STAU2: variants seen among roughly 807,000 people sequenced by gnomAD.
STAU2 encodes staufen double-stranded RNA binding protein 2, also known as double-stranded RNA-binding protein Staufen homolog 2.
STAU2 carries 20 observed loss-of-function variants against 65.9 expected under a neutral mutation model. The ratio of observed to expected loss-of-function variants is 0.30; its 90% CI spans 0.21 to 0.44. STAU2 has a LOEUF of 0.44. STAU2 is among the 20% of genes least tolerant of loss of function. The pLI is 1.00. For missense variants in STAU2, 558 were observed against 683.9 expected (o/e 0.82, Z 2.05); for synonymous variants, 232 against 233.9 (o/e 0.99, Z 0.07).
intron 3 of STAU2, among the ~76,000 whole-genome samples, chr8:73,730,195 T>C (rs1805944543): frequency 6.6e-6 from 1 of 152,210 alleles, no homozygotes; most frequent in Non-Finnish European, 1.5e-5. Flanking sequence ...CACTGCATCA[T>C]TTAAGTCACA....
At chr8:73,441,798 G>C (rs911983624) in intron 13 of STAU2, among the ~76,000 whole-genome samples, 3 of 152,224 alleles carry the variant, frequency 2.0e-5, no homozygotes, top group African/African-American at 7.2e-5. Context: ...GCTGCTGAAT[G>C]TTGGCCGTTC....
intron 13 of STAU2, among the ~76,000 whole-genome samples, chr8:73,449,681 G>C (rs181273872): frequency 2.0e-5 from 3 of 152,120 alleles, no homozygotes; most frequent in Non-Finnish European, 1.5e-5. Context: ...TGGGACCACC[G>C]GCAAGAGGCC....
intron 9 of STAU2, among the ~76,000 whole-genome samples, chr8:73,604,574 A>G (rs1228454963): frequency 6.6e-6 from 1 of 152,216 alleles, no homozygotes; most frequent in Non-Finnish European, 1.5e-5. Context: ...TATCCAAAAT[A>G]TATTTTTTAA....
At chr8:73,674,210 C>G (rs1359836385) in intron 5 of STAU2, among the ~76,000 whole-genome samples, 1 of 145,788 alleles carries the variant, frequency 6.9e-6, no homozygotes, top group East Asian at 2.0e-4. Context: ...ATTTTGAAAA[C>G]ATGAATTTTT....
intron 6 of STAU2, among the ~76,000 whole-genome samples, chr8:73,620,555 T>C (rs1337033490): frequency 6.6e-6 from 1 of 152,188 alleles, no homozygotes; most frequent in Non-Finnish European, 1.5e-5. Context: ...CTGGCCAAAA[T>C]ATTAATTGCA....
intron 13 of STAU2, among the ~76,000 whole-genome samples, chr8:73,480,929 C>T (rs1190441642): frequency 6.6e-6 from 1 of 152,158 alleles, no homozygotes; most frequent in Non-Finnish European, 1.5e-5. Context: ...GTGTGCCATA[C>T]TTGCTGCCAC....
intron 4 of STAU2, among the ~76,000 whole-genome samples, chr8:73,694,764 T>C (rs576352473): frequency 2.4e-4 from 36 of 152,298 alleles, no homozygotes; most frequent in African/African-American, 7.9e-4. Context: ...GCAGCAGCCA[T>C]GTGGCGTGGA....
intron 6 of STAU2, among the ~76,000 whole-genome samples, chr8:73,662,113 T>C (rs1291381487): frequency 6.6e-6 from 1 of 152,200 alleles, no homozygotes; most frequent in African/African-American, 2.4e-5. Flanking sequence ...TTTTAAACTT[T>C]AGCTATGGTT....
intron 12 of STAU2, among the ~76,000 whole-genome samples, chr8:73,570,046 T>C (rs1808929128): frequency 1.3e-5 from 2 of 152,114 alleles, no homozygotes; most frequent in Admixed American, 1.3e-4. Flanking sequence ...TCAAACCCAT[T>C]GCAAAGGAGC....
At chr8:73,480,279 C>A (rs1339119018) in intron 13 of STAU2, among the ~76,000 whole-genome samples, 1 of 152,066 alleles carries the variant, frequency 6.6e-6, no homozygotes, top group Non-Finnish European at 1.5e-5. Flanking sequence ...GTTGTTCTCT[C>A]TGAGATACAA....
chr8:73,450,093 T>C (rs900683368), intron 13 of STAU2, among the ~76,000 whole-genome samples: 1 of 152,192 alleles, frequency 6.6e-6, no homozygotes, highest in Non-Finnish European at 1.5e-5. Flanking sequence ...TTTGGATGCA[T>C]GGATTTGGGG....
chr8:73,589,017 C>T (rs748197449), intron 11 of STAU2, among the ~76,000 whole-genome samples: 1 of 152,040 alleles, frequency 6.6e-6, no homozygotes, highest in Non-Finnish European at 1.5e-5. Flanking sequence ...GAGAGATAAC[C>T]CCATGCCATG....
chr8:73,591,916 AAG>A (rs1266060503), intron 11 of STAU2, among the ~76,000 whole-genome samples: 2 of 91,450 alleles, frequency 2.2e-5, no homozygotes, highest in Admixed American at 1.3e-4. Context: ...AAAAAAAAAC[AAG>A]AGAGAGACAA....
chr8:73,718,960 A>G (rs532386942), intron 3 of STAU2, among the ~76,000 whole-genome samples: 1 of 152,310 alleles, frequency 6.6e-6, no homozygotes, highest in East Asian at 1.9e-4. Flanking sequence ...CAATCAGGTC[A>G]TCTGTGAATA....
intron 13 of STAU2, among the ~76,000 whole-genome samples, chr8:73,466,993 G>C (rs7006373): frequency 0.72 from 109,273 of 152,108 alleles, 39,635 homozygotes; most frequent in East Asian, 0.96. Flanking sequence ...TCCTTTTCTC[G>C]TTTGTCTTTC....
intron 13 of STAU2, among the ~76,000 whole-genome samples, chr8:73,482,491 T>C (rs6472782): frequency 0.53 from 80,412 of 151,962 alleles, 23,151 homozygotes; most frequent in East Asian, 0.88. Context: ...GCAAACTGAC[T>C]ACTTGCAAAC....
intron 6 of STAU2, among the ~76,000 whole-genome samples, chr8:73,622,110 C>A (rs1365439071): frequency 1.1e-4 from 16 of 142,040 alleles, no homozygotes; most frequent in Middle Eastern, 3.5e-3. Flanking sequence ...GCGCCCGCCA[C>A]CATGCCCAGC....
chr8:73,498,900 T>C (rs1341690880), intron 13 of STAU2, among the ~76,000 whole-genome samples: 1 of 151,886 alleles, frequency 6.6e-6, no homozygotes, highest in Admixed American at 6.6e-5. Context: ...CTAGTCTAGA[T>C]GTTCCTGTGA....
chr8:73,557,662 T>G (rs1055428994), intron 12 of STAU2, among the ~76,000 whole-genome samples: 1 of 152,232 alleles, frequency 6.6e-6, no homozygotes, highest in Non-Finnish European at 1.5e-5. Flanking sequence ...TTTGTTTGGT[T>G]ACTGCTCAGG....
Sources: gnomAD v4.1 joint callset for allele counts (sites outside exome capture counted in the v4.1 genomes callset) on GRCh38, gnomAD v4.1.1 for gene constraint, MANE v1.5 for transcripts, NCBI Gene and HGNC (gene_info 2026-07-23, HGNC 2026-07-21) for gene names.